The following RBPMS variants were observed in gnomAD, a reference collection of about 807,000 sequenced individuals.
RBPMS encodes the protein RNA binding protein, mRNA processing factor.
In RBPMS, 7 loss-of-function variants were observed where a neutral mutation model predicts 26.8. That is an observed-to-expected ratio of 0.26 (90% CI 0.15 to 0.49). RBPMS has a LOEUF of 0.49. RBPMS is among the 20% of genes least tolerant of loss of function. The pLI, the probability that RBPMS is intolerant of heterozygous loss-of-function variation, is 0.98. For missense variants in RBPMS, 186 were observed against 250.0 expected (o/e 0.74, Z 1.73); for synonymous variants, 96 against 93.3 (o/e 1.03, Z -0.17).
intron 1 of RBPMS, among the ~76,000 whole-genome samples, chr8:30,434,788 C>CACACAT (rs1812277474): frequency 1.3e-5 from 2 of 151,162 alleles, no homozygotes; most frequent in African/African-American, 4.9e-5. Context: ...CACACACACA[C>CACACAT]ACACACACAC....
chr8:30,462,803 A>G (rs1008087304), intron 1 of RBPMS, among the ~76,000 whole-genome samples: 4 of 152,136 alleles, frequency 2.6e-5, no homozygotes, highest in African/African-American at 9.7e-5. Flanking sequence ...CTGATGGGCC[A>G]AAAGTTGACT....
intron 5 of RBPMS, among the ~76,000 whole-genome samples, chr8:30,518,869 G>A (rs902516769): frequency 6.6e-6 from 1 of 151,492 alleles, no homozygotes; most frequent in Non-Finnish European, 1.5e-5. Flanking sequence ...TAAGTGGAAT[G>A]CTGATTACAC....
At chr8:30,520,352 T>C (rs577875659) in intron 5 of RBPMS, among the ~76,000 whole-genome samples, 2 of 152,280 alleles carry the variant, frequency 1.3e-5, no homozygotes, top group East Asian at 3.9e-4. Flanking sequence ...TGTTGCATCG[T>C]TGTTGTTATT....
At chr8:30,485,914 G>A (rs182070757) in intron 4 of RBPMS, among the ~76,000 whole-genome samples, 1 of 152,312 alleles carries the variant, frequency 6.6e-6, no homozygotes. Context: ...GATTATAATA[G>A]CATGTAAGTT....
chr8:30,422,083 T>A (rs1021897875), intron 1 of RBPMS, among the ~76,000 whole-genome samples: 16 of 151,946 alleles, frequency 1.1e-4, no homozygotes, highest in African/African-American at 3.9e-4. Context: ...TAATCTACTG[T>A]TGTTTTTCTT....
intron 7 of RBPMS, among the ~76,000 whole-genome samples, chr8:30,561,658 G>A (rs1827494823): frequency 6.6e-6 from 1 of 152,208 alleles, no homozygotes; most frequent in Non-Finnish European, 1.5e-5. Flanking sequence ...AGAGAGTGGA[G>A]AGCGGGCTGG....
chr8:30,436,268 G>A (rs1812437920), intron 1 of RBPMS, among the ~76,000 whole-genome samples: 1 of 151,758 alleles, frequency 6.6e-6, no homozygotes. Context: ...GCTCAAGCTG[G>A]CCCATTTTAC....
At chr8:30,435,869 G>T (rs1490773652) in intron 1 of RBPMS, among the ~76,000 whole-genome samples, 1 of 152,178 alleles carries the variant, frequency 6.6e-6, no homozygotes, top group East Asian at 1.9e-4. Flanking sequence ...GCAGTGGTGT[G>T]ATCATAGCTC....
intron 4 of RBPMS, among the ~76,000 whole-genome samples, chr8:30,489,175 T>C (rs1166418590): frequency 6.6e-6 from 1 of 151,646 alleles, no homozygotes; most frequent in Non-Finnish European, 1.5e-5. Flanking sequence ...GCCTCCCGAA[T>C]AGCTGGGACC....
At chr8:30,517,223 TG>T (rs1822427814) in intron 5 of RBPMS, among the ~76,000 whole-genome samples, 1 of 149,328 alleles carries the variant, frequency 6.7e-6, no homozygotes, top group African/African-American at 2.5e-5. Flanking sequence ...TGTGTGTGTG[TG>T]TGTGTGTGTG....
intron 4 of RBPMS, among the ~76,000 whole-genome samples, chr8:30,504,057 T>C (rs971053475): frequency 6.6e-6 from 1 of 152,216 alleles, no homozygotes; most frequent in East Asian, 1.9e-4. Context: ...AGAAAAGGAA[T>C]AGTTGAAAAT....
chr8:30,557,823 A>G (rs545953623), intron 6 of RBPMS, among the ~76,000 whole-genome samples: 21 of 152,348 alleles, frequency 1.4e-4, no homozygotes, highest in African/African-American at 4.3e-4. Context: ...CCAGTGATGG[A>G]TGCCGTTAAA....
intron 5 of RBPMS, among the ~76,000 whole-genome samples, chr8:30,511,480 AAAAAAAATAT>A (rs1248232721): frequency 6.1e-4 from 10 of 16,512 alleles, no homozygotes; most frequent in Non-Finnish European, 8.2e-4. Context: ...AGAAAAAAAA[AAAAAAAATAT>A]ATATATATAT....
chr8:30,428,234 G>A (rs868198803), intron 1 of RBPMS, among the ~76,000 whole-genome samples: 15 of 151,972 alleles, frequency 9.9e-5, no homozygotes, highest in Middle Eastern at 3.4e-3. Flanking sequence ...TGTTGGCCAG[G>A]ATGGTCTTAA....
chr8:30,502,888 A>G (rs1182196832), intron 4 of RBPMS, among the ~76,000 whole-genome samples: 2 of 152,196 alleles, frequency 1.3e-5, no homozygotes, highest in Non-Finnish European at 2.9e-5. Context: ...ATACAACACA[A>G]TATCAGTTAA....
At position 30,517,773 on chromosome 8, in the gene RBPMS, A is replaced by G. The variant is rs540782645; in HGVS notation, c.397+13337A>G. 7.2e-5 allele frequency among the ~76,000 whole-genome samples: 11 copies of G among 152,370 alleles called. 2 individuals are homozygous for G. The highest frequency in any genetic ancestry group is 2.4e-4 in the African/African-American group (10 of 41,580). On this transcript the variant is annotated intron_variant, in intron 5 of 8. Transcript: ENST00000397323. ...AATGCTTGTGCAACTGATGAAGCCA[A>G]TCATTATTCAGTGTATGGGAAAGAC...
chr8:30,475,950 A>G (rs547732625), intron 2 of RBPMS, among the ~76,000 whole-genome samples: 4 of 152,272 alleles, frequency 2.6e-5, no homozygotes, highest in South Asian at 2.1e-4. Flanking sequence ...GTATGGAGAG[A>G]GTGCCACCTT....
At chr8:30,569,454 T>G (rs905639976) in intron 8 of RBPMS, among the ~76,000 whole-genome samples, 6 of 152,180 alleles carry the variant, frequency 3.9e-5, no homozygotes, top group African/African-American at 1.4e-4. Flanking sequence ...TGAAAGACAG[T>G]GTGGCCTGTA....
rs559986387 is a variant in RBPMS, at chr8:30,422,622, G to T, written c.66+37464G>T. Among the ~76,000 whole-genome samples the T allele has an allele frequency of 4.6e-5, 7 of 152,178 alleles. No individual in the cohort carries two copies. In the East Asian group the frequency reaches 1.4e-3, roughly 29 times the overall value. The stretch of plus-strand genomic sequence containing the variant: ...CCTCATTTAGGCATGAGAGTGTTCC[G>T]TAGCACCTCCTTTGTAGGAACTTAA... On this transcript the variant is annotated intron_variant, in intron 1 of 8. Coordinates refer to ENST00000397323, the MANE Select transcript of RBPMS (RefSeq NM_001008710.3).
Sources: gnomAD v4.1 joint callset for allele counts (sites outside exome capture counted in the v4.1 genomes callset) on GRCh38, gnomAD v4.1.1 for gene constraint, MANE v1.5 for transcripts, NCBI Gene and HGNC (gene_info 2026-07-23, HGNC 2026-07-21) for gene names.